The following TUT7 variants were observed in gnomAD, a reference collection of about 807,000 sequenced individuals.
TUT7 encodes the protein terminal uridylyltransferase 7.
In TUT7, 33 loss-of-function variants were observed where a neutral mutation model predicts 165.9. The ratio of observed to expected loss-of-function variants is 0.20; its 90% confidence interval spans 0.15 to 0.27. TUT7 has a LOEUF of 0.27. Among genes scored for constraint, TUT7 ranks in the 10% least tolerant of loss-of-function variants. The pLI is 1.00. For synonymous variants in TUT7, 552 were observed against 608.1 expected (o/e 0.91, Z 1.36); for missense variants, 1,338 against 1,762.3 (o/e 0.76, Z 4.31).
chr9:86,352,423 G>C (rs1406308634), intron 2 of TUT7: 1 of 556,566 alleles, frequency 1.8e-6, no homozygotes, highest in Non-Finnish European at 3.2e-6. Context: ...ACACGTTACA[G>C]AAAACATGTT....
In TUT7 at chr9:86,343,168, AAAAT is replaced by A. The variant is rs745947705; in HGVS notation, c.998-9_998-6del. ...CATATAATCTTAGGGAACAATCTAA[AAAAT>A]AAATAAATAAATAAAAGTAATAAAT... is the stretch of plus-strand genomic sequence containing the variant. On this transcript the variant is annotated splice_polypyrimidine_tract_variant and splice_region_variant and intron_variant, in intron 5 of 26. Coordinates refer to ENST00000375963, the MANE Select transcript of TUT7 (RefSeq NM_024617.4). The A allele has an allele frequency of 4.8e-5, 71 of 1,493,948 alleles. No individual in the cohort carries two copies. Among genetic ancestry groups the A allele is most frequent in the Non-Finnish European group, 5.8e-5 (64 of 1,105,576 alleles). 92.5% of individuals were successfully genotyped at this position (1,493,948 alleles called of 1,614,324 possible).
chr9:86,314,072 A>G (rs1828482843), intron 17 of TUT7, among the ~76,000 whole-genome samples: 1 of 152,162 alleles, frequency 6.6e-6, no homozygotes, highest in African/African-American at 2.4e-5. Context: ...CACTTTAGAG[A>G]TGAGGAACTG....
Position 86,301,585 on chromosome 9 carries a change from C to T in TUT7, c.4111G>A (p.Asp1371Asn). The T allele has an allele frequency of 1.2e-6, 2 of 1,613,418 alleles. No individual in the cohort carries two copies. Among genetic ancestry groups the T allele is most frequent in the Non-Finnish European group, 1.7e-6 (2 of 1,179,904 alleles). Residue 1371 changes from aspartate to asparagine, a missense_variant, in exon 26 of 27, where the codon GAT (aspartate) becomes AAT (asparagine). Coordinates refer to ENST00000375963, the MANE Select transcript of TUT7 (RefSeq NM_024617.4). The stretch of plus-strand genomic sequence containing the variant: ...CTTTGGTTCAGGGCATCTTCCTGAT[C>T]TCGCCGCCGTCTTACTCTGTAGAAG... The part of the protein sequence containing the change: ...PMRRKVRRRR[D>N]QEDALNQRYP...
intron 26 of TUT7, among the ~76,000 whole-genome samples, chr9:86,291,962 A>G (rs1266335356): frequency 6.6e-6 from 1 of 152,244 alleles, no homozygotes; most frequent in East Asian, 1.9e-4. Flanking sequence ...TAATAAATAC[A>G]TAGAATATTT....
At chr9:86,293,124 T>C (rs970169495) in intron 26 of TUT7, among the ~76,000 whole-genome samples, 1 of 152,162 alleles carries the variant, frequency 6.6e-6, no homozygotes, top group African/African-American at 2.4e-5. Flanking sequence ...AAAACAAACA[T>C]TCATCTGTAT....
intron 10 of TUT7, among the ~76,000 whole-genome samples, chr9:86,332,774 T>C (rs1381909345): frequency 6.6e-6 from 1 of 152,220 alleles, no homozygotes; most frequent in Non-Finnish European, 1.5e-5. Context: ...TTAAGTTGAT[T>C]ACTGATATCA....
intron 22 of TUT7, among the ~76,000 whole-genome samples, chr9:86,307,663 G>C (rs974103234): frequency 1.3e-5 from 2 of 152,134 alleles, no homozygotes; most frequent in African/African-American, 4.8e-5. Flanking sequence ...TCAACTATTA[G>C]CATCAATGGC....
intron 14 of TUT7, among the ~76,000 whole-genome samples, chr9:86,320,067 G>A (rs700763): frequency 0.24 from 36,878 of 151,840 alleles, 6,037 homozygotes; most frequent in Non-Finnish European, 0.35. Context: ...CTCTTGAAAC[G>A]GAAAGTAATT....
intron 7 of TUT7, 125 bp downstream of exon 7, chr9:86,340,877 G>T: frequency 1.4e-6 from 1 of 692,890 alleles, no homozygotes; most frequent in Non-Finnish European, 2.5e-6. Flanking sequence ...ATGGGCATTT[G>T]CTTTGGATAT....
chr9:86,352,580 CTG>C, intron 2 of TUT7, 98 bp downstream of exon 2: 1 of 1,393,928 alleles, frequency 7.2e-7, no homozygotes, highest in Non-Finnish European at 1.0e-6. Context: ...CTGTGAAAAA[CTG>C]AAACTAAATT....
At chr9:86,349,969 T>G (rs1832128133) in intron 2 of TUT7, among the ~76,000 whole-genome samples, 1 of 152,156 alleles carries the variant, frequency 6.6e-6, no homozygotes, top group Non-Finnish European at 1.5e-5. Context: ...CATATAAAAG[T>G]TTTTGTGGTC....
intron 26 of TUT7, among the ~76,000 whole-genome samples, chr9:86,288,950 G>C (rs1242603266): frequency 1.3e-5 from 2 of 152,160 alleles, no homozygotes; most frequent in Admixed American, 6.5e-5. Flanking sequence ...AATTCTTTCT[G>C]AATGCAGACA....
intron 8 of TUT7, among the ~76,000 whole-genome samples, chr9:86,339,674 A>G (rs895484815): frequency 6.6e-6 from 1 of 152,222 alleles, no homozygotes; most frequent in African/African-American, 2.4e-5. Flanking sequence ...AGAGGCAGAG[A>G]GAGATAAACC....
At chr9:86,321,812 A>T (rs2131428673) in intron 14 of TUT7, among the ~76,000 whole-genome samples, 1 of 152,358 alleles carries the variant, frequency 6.6e-6, no homozygotes, top group East Asian at 1.9e-4. Flanking sequence ...AAGGAAGTAC[A>T]GAAGGCACTT....
chr9:86,330,619 TTTTC>T (rs1269555218), intron 10 of TUT7, among the ~76,000 whole-genome samples: 5 of 152,226 alleles, frequency 3.3e-5, no homozygotes, highest in Non-Finnish European at 7.3e-5. Flanking sequence ...TTCTTAATGT[TTTTC>T]TTTATTGATT....
Position 86,346,421 on chromosome 9 carries a change from C to G in TUT7, c.580G>C (p.Glu194Gln). 2 of 1,614,092 alleles carry G rather than the reference C, an allele frequency of 1.2e-6. No homozygotes were observed. Among genetic ancestry groups the G allele is most frequent in the South Asian group, 2.2e-5 (2 of 91,076 alleles). ...GGGCCTTCCAAGTCTCCATCCTGCT[C>G]ATTTTCCTCATTTCTAGTCTTCCGT... ...KPRKTRNEEN[E>Q]QDGDLEGPVI... Residue 194 changes from glutamate to glutamine, a missense_variant, in exon 3 of 27, where the codon GAG (glutamate) becomes CAG (glutamine). Around this residue, in one of 7 missense-constraint regions of TUT7, gnomAD observed 434 missense variants for 480.8 expected, o/e 0.90. Transcript: ENST00000375963.
intron 10 of TUT7, among the ~76,000 whole-genome samples, chr9:86,331,238 T>C (rs915117563): frequency 2.0e-5 from 3 of 152,054 alleles, no homozygotes; most frequent in African/African-American, 7.2e-5. Flanking sequence ...TAGTGGAACC[T>C]TGTCTCTTAA....
intron 2 of TUT7, among the ~76,000 whole-genome samples, chr9:86,350,772 G>A (rs1279940774): frequency 6.6e-6 from 1 of 152,094 alleles, no homozygotes; most frequent in Non-Finnish European, 1.5e-5. Context: ...ACTACTTAAC[G>A]CCTTTATAAC....
chr9:86,338,981 GA>G, intron 8 of TUT7, 32 bp from the exon 9 acceptor site: 1 of 1,515,212 alleles, frequency 6.6e-7, no homozygotes, highest in Non-Finnish European at 8.8e-7. Flanking sequence ...GGATGGGAAA[GA>G]AAAAAAGAAA....
Sources: allele counts gnomAD v4.1 joint callset (sites outside exome capture counted in the v4.1 genomes callset), GRCh38; gene constraint gnomAD v4.1.1; regional missense constraint gnomAD v4.1.1; transcripts MANE v1.5; gene names NCBI Gene and HGNC (gene_info 2026-07-23, HGNC 2026-07-21).